The following CAMK4 variants were observed in gnomAD, a reference collection of about 807,000 sequenced individuals.
The protein encoded by CAMK4 is calcium/calmodulin dependent protein kinase IV, also known as calcium/calmodulin-dependent protein kinase type IV.
In CAMK4, 22 loss-of-function variants were observed where a neutral mutation model predicts 44.9. That is an observed-to-expected ratio of 0.49 (90% confidence interval 0.35 to 0.70). The LOEUF (loss-of-function observed/expected upper bound fraction) is 0.70. Among genes scored for constraint, CAMK4 ranks in the 30% least tolerant of loss-of-function variants. The probability of loss-of-function intolerance (pLI) is 0.01; values close to 1 mark genes in which losing one functional copy is unlikely to be tolerated. For missense variants in CAMK4, 498 were observed against 586.8 expected, an observed-to-expected ratio of 0.85 and a Z score of 1.56; for synonymous variants, 218 against 215.4, an observed-to-expected ratio of 1.01 and a Z score of -0.11.
chr5:111,288,129 T>C (rs935640226), intron 1 of CAMK4, among the ~76,000 whole-genome samples: 1 of 152,254 alleles, frequency 6.6e-6, no homozygotes, highest in African/African-American at 2.4e-5. Context: ...TTTATTCATG[T>C]TTTGAGCATG....
At chr5:111,273,450 CCA>C (rs1356934496) in intron 1 of CAMK4, among the ~76,000 whole-genome samples, 1 of 151,036 alleles carries the variant, frequency 6.6e-6, no homozygotes, top group Non-Finnish European at 1.5e-5. Flanking sequence ...GTAACAATAC[CCA>C]GTCTTTTATG....
intron 1 of CAMK4, among the ~76,000 whole-genome samples, chr5:111,301,664 T>A: frequency 6.6e-6 from 1 of 152,230 alleles, no homozygotes; most frequent in East Asian, 1.9e-4. Context: ...ATTTTCCCAA[T>A]TCAGAGACAA....
rs1292015497 is a variant in CAMK4 at position 111,490,011 on chromosome 5, T to C, written c.*5545T>C. On this transcript the variant is annotated 3_prime_UTR_variant, in exon 11 of 11. Transcript: ENST00000282356. Reference sequence around the variant, plus strand: ...AATCACACTATTCTAAACAGTTGTTTTCAGCTCATTTTGAAGATTGACCTG... The same window carrying C: ...AATCACACTATTCTAAACAGTTGTTCTCAGCTCATTTTGAAGATTGACCTG... 1.3e-5 allele frequency: 2 copies of C among 152,238 alleles called. No individual in the cohort carries two copies. The highest frequency in any genetic ancestry group is 2.9e-5 in the Non-Finnish European group (2 of 68,030). 9.4% of individuals were successfully genotyped at this position (152,238 alleles called of 1,614,324 possible).
chr5:111,396,631 CTTTTTTTTTT>C (rs540495109), intron 5 of CAMK4, among the ~76,000 whole-genome samples: 6 of 47,014 alleles, frequency 1.3e-4, no homozygotes, highest in African/African-American at 4.4e-4. Context: ...AACTCATATT[CTTTTTTTTTT>C]TTTTTTTTTT....
chr5:111,345,532 G>A (rs910818585), intron 2 of CAMK4, among the ~76,000 whole-genome samples: 3 of 151,916 alleles, frequency 2.0e-5, no homozygotes, highest in African/African-American at 7.3e-5. Flanking sequence ...AGATGTTTTA[G>A]GACTTGTTTG....
intron 5 of CAMK4, among the ~76,000 whole-genome samples, chr5:111,439,711 G>A (rs1239512721): frequency 6.6e-6 from 1 of 152,078 alleles, no homozygotes; most frequent in Non-Finnish European, 1.5e-5. Flanking sequence ...TGGAATAAGG[G>A]GTAACTCAAT....
At chr5:111,464,044 T>A (rs562387660) in intron 7 of CAMK4, among the ~76,000 whole-genome samples, 2 of 151,802 alleles carry the variant, frequency 1.3e-5, no homozygotes, top group African/African-American at 4.8e-5. Context: ...ATTAAGCTAA[T>A]CAAGGAGACA....
intron 4 of CAMK4, among the ~76,000 whole-genome samples, chr5:111,387,825 T>A (rs1337515282): frequency 6.6e-6 from 1 of 152,236 alleles, no homozygotes; most frequent in Non-Finnish European, 1.5e-5. Context: ...CAGAAGGTTC[T>A]GGACAAACAC....
chr5:111,357,058 T>C (rs575765286), intron 2 of CAMK4, among the ~76,000 whole-genome samples: 2 of 152,182 alleles, frequency 1.3e-5, no homozygotes, highest in Admixed American at 6.6e-5. Context: ...ACTCAAATTA[T>C]GACATTTAAC....
chr5:111,368,780 T>C (rs569281265), intron 2 of CAMK4, among the ~76,000 whole-genome samples: 1 of 152,190 alleles, frequency 6.6e-6, no homozygotes, highest in African/African-American at 2.4e-5. Context: ...TAGCCTTACT[T>C]TTCTCCATGT....
At chr5:111,401,588 A>G (rs1752229892) in intron 5 of CAMK4, among the ~76,000 whole-genome samples, 1 of 152,210 alleles carries the variant, frequency 6.6e-6, no homozygotes, top group Non-Finnish European at 1.5e-5. Flanking sequence ...AAATTGCAAA[A>G]GCTCCTTTTG....
intron 1 of CAMK4, among the ~76,000 whole-genome samples, chr5:111,311,689 A>G (rs959534268): frequency 6.6e-6 from 1 of 152,218 alleles, no homozygotes; most frequent in Non-Finnish European, 1.5e-5. Context: ...CAAAGCCTTC[A>G]TAAATTTCTA....
chr5:111,373,600 AC>A (rs1267753938), intron 2 of CAMK4, among the ~76,000 whole-genome samples: 13 of 152,074 alleles, frequency 8.5e-5, no homozygotes, highest in Admixed American at 8.5e-4. Flanking sequence ...ATTGGTTATC[AC>A]CATTGATATG....
intron 5 of CAMK4, among the ~76,000 whole-genome samples, chr5:111,404,359 C>T (rs1312627724): frequency 6.6e-6 from 1 of 152,178 alleles, no homozygotes; most frequent in African/African-American, 2.4e-5. Flanking sequence ...ATGGTCAGTT[C>T]TTATCTGGAG....
intron 5 of CAMK4, among the ~76,000 whole-genome samples, chr5:111,442,260 G>A (rs760721340): frequency 6.6e-5 from 10 of 152,230 alleles, no homozygotes; most frequent in Middle Eastern, 3.4e-3. Flanking sequence ...TGGGGAGGCC[G>A]AGGCAGGTGG....
chr5:111,463,926 A>G (rs1465780942), intron 7 of CAMK4, among the ~76,000 whole-genome samples: 1 of 152,034 alleles, frequency 6.6e-6, no homozygotes. Flanking sequence ...TAATATGACA[A>G]AAAAAGGTTC....
intron 5 of CAMK4, among the ~76,000 whole-genome samples, chr5:111,437,871 G>A (rs1357038028): frequency 6.6e-6 from 1 of 152,086 alleles, no homozygotes; most frequent in African/African-American, 2.4e-5. Flanking sequence ...GAAAACCATT[G>A]AAGACTTTCA....
intron 2 of CAMK4, among the ~76,000 whole-genome samples, chr5:111,346,594 A>C (rs1321937166): frequency 6.6e-6 from 1 of 151,868 alleles, no homozygotes; most frequent in African/African-American, 2.4e-5. Flanking sequence ...ATGACTTAAA[A>C]GAATATAAAT....
At chr5:111,313,252 A>G (rs984681908) in intron 1 of CAMK4, among the ~76,000 whole-genome samples, 1 of 152,088 alleles carries the variant, frequency 6.6e-6, no homozygotes, top group Non-Finnish European at 1.5e-5. Flanking sequence ...CCCAGTTATG[A>G]TAACAGAAAT....
Sources: gnomAD v4.1 joint callset for allele counts (sites outside exome capture counted in the v4.1 genomes callset) on GRCh38, gnomAD v4.1.1 for gene constraint, MANE v1.5 for transcripts, NCBI Gene and HGNC (gene_info 2026-07-23, HGNC 2026-07-21) for gene names.